The following CHST9 variants were observed in gnomAD, a reference collection of about 807,000 sequenced individuals.
CHST9 encodes the protein carbohydrate sulfotransferase 9, also known as GalNAc-4-sulfotransferase 2.
A neutral mutation model predicts 44.4 loss-of-function variants in CHST9; 41 were observed. The observed-to-expected ratio is 0.92, with a 90% CI of 0.72 to 1.20. The LOEUF is 1.20. Ranked by LOEUF, CHST9 falls within the 50% of genes most tolerant of loss-of-function variation. CHST9 has a pLI of 0.00. For missense variants in CHST9, 504 were observed against 516.5 expected, an observed-to-expected ratio of 0.98 and a Z score of 0.23; for synonymous variants, 171 against 178.4, an observed-to-expected ratio of 0.96 and a Z score of 0.33.
At chr18:26,998,232 C>T (rs745572303) in intron 4 of CHST9, among the ~76,000 whole-genome samples, 1 of 152,158 alleles carries the variant, frequency 6.6e-6, no homozygotes, top group Admixed American at 6.5e-5. Context: ...GCACCTATAT[C>T]GCTGGATCTC....
intron 2 of CHST9, among the ~76,000 whole-genome samples, chr18:27,050,291 G>T (rs1241250650): frequency 6.6e-6 from 1 of 152,154 alleles, no homozygotes; most frequent in Admixed American, 6.5e-5. Context: ...TCCTAAGCAT[G>T]CTTATAGACT....
At chr18:27,062,731 G>T (rs538291898) in intron 2 of CHST9, among the ~76,000 whole-genome samples, 2 of 152,080 alleles carry the variant, frequency 1.3e-5, no homozygotes, top group Non-Finnish European at 2.9e-5. Flanking sequence ...TTGAGGAATC[G>T]CCACACTGTC....
chr18:27,184,731 G>A (rs1221523326), intron 1 of CHST9, among the ~76,000 whole-genome samples: 2 of 152,152 alleles, frequency 1.3e-5, no homozygotes, highest in African/African-American at 2.4e-5. Flanking sequence ...GACTGTTCCT[G>A]CCGTCCTCTT....
intron 2 of CHST9, among the ~76,000 whole-genome samples, chr18:27,101,980 G>A (rs2058176830): frequency 6.6e-6 from 1 of 152,182 alleles, no homozygotes. Context: ...GCTTCATGAG[G>A]AAAATTTATA....
Position 26,909,358 on chromosome 18 carries a change from T to C in CHST9, c.*6901A>G, listed in dbSNP as rs1329416326. On this transcript the variant is annotated 3_prime_UTR_variant, in exon 6 of 6. Coordinates refer to ENST00000618847, the MANE Select transcript of CHST9 (RefSeq NM_031422.6). ...CCCCAAGAGATTATTAAAAAGGAAA[T>C]TTTCAGGTGGTTTTCATAGAGATTC... The C allele has an allele frequency of 6.6e-6, 1 of 152,058 alleles. No homozygotes were observed. Among genetic ancestry groups the C allele is most frequent in the Non-Finnish European group, 1.5e-5 (1 of 68,024 alleles). The allele number at this position is 152,058 out of a possible 1,614,324, so 9.4% of individuals were successfully genotyped here. A position where few individuals can be genotyped will look rare whatever the true frequency, so the allele number is the denominator to read the frequency against.
intron 4 of CHST9, among the ~76,000 whole-genome samples, chr18:26,993,905 A>G (rs546552270): frequency 1.3e-4 from 20 of 152,362 alleles, no homozygotes; most frequent in African/African-American, 4.6e-4. Context: ...TTAGAAGTCC[A>G]AGGGCAAGGT....
At chr18:27,170,811 T>C (rs1431855446) in intron 1 of CHST9, among the ~76,000 whole-genome samples, 3 of 152,196 alleles carry the variant, frequency 2.0e-5, no homozygotes, top group Non-Finnish European at 2.9e-5. Flanking sequence ...AATCGACACA[T>C]CTACCTTCAA....
At position 27,116,719 on chromosome 18, in the gene CHST9, A is replaced by G. The variant is rs1346534870; in HGVS notation, c.121+25970T>C. Among the ~76,000 whole-genome samples, 4 of 152,176 alleles carry G rather than the reference A, an allele frequency of 2.6e-5. No individual in the cohort carries two copies. In the East Asian group the frequency reaches 7.7e-4, roughly 29 times the overall value. On this transcript the variant is annotated intron_variant, in intron 2 of 5. Coordinates refer to ENST00000618847, the MANE Select transcript of CHST9 (RefSeq NM_031422.6). ...CATTTTAACAATGTTTAGTCTTCCA[A>G]TCCTTGATCATTAGATATCTTTCCA...
At chr18:27,082,565 AAAATT>A (rs1352638770) in intron 2 of CHST9, among the ~76,000 whole-genome samples, 1 of 152,198 alleles carries the variant, frequency 6.6e-6, no homozygotes, top group Non-Finnish European at 1.5e-5. Flanking sequence ...AATAAAAAAT[AAAATT>A]AATGACTGAA....
intron 1 of CHST9, among the ~76,000 whole-genome samples, chr18:27,173,059 T>C (rs1020298524): frequency 2.0e-5 from 3 of 152,044 alleles, no homozygotes; most frequent in African/African-American, 4.8e-5. Context: ...ATTTTAAACA[T>C]TTATTTTGAG....
chr18:27,146,493 A>G (rs1459376492), intron 1 of CHST9, among the ~76,000 whole-genome samples: 1 of 152,214 alleles, frequency 6.6e-6, no homozygotes, highest in African/African-American at 2.4e-5. Flanking sequence ...AAACACACCT[A>G]TTTGGAGATC....
intron 2 of CHST9, among the ~76,000 whole-genome samples, chr18:27,058,538 C>A (rs955043757): frequency 6.6e-6 from 1 of 152,172 alleles, no homozygotes; most frequent in African/African-American, 2.4e-5. Context: ...TACTTTCCAT[C>A]TTTAAAAACG....
intron 2 of CHST9, among the ~76,000 whole-genome samples, chr18:27,089,174 G>A (rs886643343): frequency 3.3e-4 from 50 of 150,692 alleles, no homozygotes; most frequent in Admixed American, 3.0e-3. Context: ...AAGTTCTAGC[G>A]TACATGTGCA....
chr18:26,958,913 T>C (rs2056363791), intron 4 of CHST9, among the ~76,000 whole-genome samples: 1 of 152,202 alleles, frequency 6.6e-6, no homozygotes, highest in South Asian at 2.1e-4. Context: ...AGTTTGAAGA[T>C]TTCTCAAAAA....
At chr18:27,119,741 A>G (rs1416631225) in intron 2 of CHST9, among the ~76,000 whole-genome samples, 2 of 151,370 alleles carry the variant, frequency 1.3e-5, no homozygotes, top group Non-Finnish European at 2.9e-5. Context: ...GAGTGGTTCA[A>G]ATTCCATTTA....
chr18:27,150,607 T>C (rs2058651973), intron 1 of CHST9, among the ~76,000 whole-genome samples: 1 of 152,236 alleles, frequency 6.6e-6, no homozygotes, highest in African/African-American at 2.4e-5. Context: ...TTTTGAGTCC[T>C]GGTTATGTCT....
intron 5 of CHST9, among the ~76,000 whole-genome samples, chr18:26,931,110 T>C (rs1452877613): frequency 2.0e-5 from 3 of 152,224 alleles, no homozygotes; most frequent in African/African-American, 4.8e-5. Context: ...GAGATGTTGA[T>C]GGACAGGCTT....
At chr18:26,954,047 G>T (rs989830093) in intron 4 of CHST9, among the ~76,000 whole-genome samples, 1 of 152,074 alleles carries the variant, frequency 6.6e-6, no homozygotes, top group African/African-American at 2.4e-5. Context: ...CCAGAACTGT[G>T]GAGTTCTGGA....
At chr18:27,087,606 A>G (rs1280906848) in intron 2 of CHST9, among the ~76,000 whole-genome samples, 2 of 152,222 alleles carry the variant, frequency 1.3e-5, no homozygotes, top group Non-Finnish European at 2.9e-5. Flanking sequence ...ACACAGAACT[A>G]TAACTCATGG....
Sources: allele counts gnomAD v4.1 joint callset (sites outside exome capture counted in the v4.1 genomes callset), GRCh38; gene constraint gnomAD v4.1.1; transcripts MANE v1.5; gene names NCBI Gene and HGNC (gene_info 2026-07-23, HGNC 2026-07-21).